RABGAP1L: variants seen among roughly 807,000 people sequenced by gnomAD.
The protein encoded by RABGAP1L is rab GTPase-activating protein 1-like.
A neutral mutation model predicts 137.7 loss-of-function variants in RABGAP1L; 63 were observed. The observed-to-expected ratio is 0.46, with a 90% CI of 0.37 to 0.56. The LOEUF is 0.56. Among genes scored for constraint, RABGAP1L ranks in the 20% least tolerant of loss-of-function variants. The probability of loss-of-function intolerance (pLI) is 0.00; values close to 1 mark genes in which losing one functional copy is unlikely to be tolerated. For synonymous variants in RABGAP1L, 431 were observed against 433.7 expected, an observed-to-expected ratio of 0.99 and a Z score of 0.08; for missense variants, 1,095 against 1,244.0, an observed-to-expected ratio of 0.88 and a Z score of 1.80.
chr1:174,190,404 T>A (rs1420641566), intron 1 of RABGAP1L, among the ~76,000 whole-genome samples: 1 of 152,202 alleles, frequency 6.6e-6, no homozygotes, highest in East Asian at 1.9e-4. Context: ...AGAAATCATT[T>A]TTTTTTATAA....
At chr1:174,359,001 C>T (rs1461182699) in intron 11 of RABGAP1L, among the ~76,000 whole-genome samples, 2 of 152,130 alleles carry the variant, frequency 1.3e-5, no homozygotes, top group Non-Finnish European at 1.5e-5. Flanking sequence ...TTTAACCCAG[C>T]CAGAAGAGGG....
At chr1:174,877,600 T>C (rs762745286) in intron 19 of RABGAP1L, 10 of 1,613,032 alleles carry the variant, frequency 6.2e-6, no homozygotes, top group Non-Finnish European at 8.5e-6. Flanking sequence ...CAAGCCCAGG[T>C]CTATGGTAGG....
Position 174,928,963 on chromosome 1 carries a change from C to T in RABGAP1L, c.2341-28494C>T, listed in dbSNP as rs191139674. ...CATGTTTTTCCACCATGAAACCCACCTTGTAAAGAAGATTGGCTGTTATGT... is the reference window on the plus strand; with the variant it reads ...CATGTTTTTCCACCATGAAACCCACTTTGTAAAGAAGATTGGCTGTTATGT... On this transcript the variant is annotated intron_variant, in intron 19 of 25. Transcript: ENST00000681986. Among the ~76,000 whole-genome samples, 7 of 151,744 alleles carry T rather than the reference C, an allele frequency of 4.6e-5. No individual in the cohort carries two copies. The East Asian group carries it at 9.7e-4, about 21-fold the overall frequency.
At chr1:174,680,794 T>C (rs1230829692) in intron 14 of RABGAP1L, among the ~76,000 whole-genome samples, 1 of 151,994 alleles carries the variant, frequency 6.6e-6, no homozygotes, top group Non-Finnish European at 1.5e-5. Context: ...CTCAGGAGGC[T>C]GAGGTGGGTC....
At chr1:174,541,583 T>A (rs948545592) in intron 13 of RABGAP1L, among the ~76,000 whole-genome samples, 1 of 152,164 alleles carries the variant, frequency 6.6e-6, no homozygotes, top group African/African-American at 2.4e-5. Context: ...GAGACCATCC[T>A]GGCTAACACA....
At chr1:174,261,610 G>T (rs74985566) in intron 7 of RABGAP1L, among the ~76,000 whole-genome samples, 1 of 152,284 alleles carries the variant, frequency 6.6e-6, no homozygotes, top group East Asian at 1.9e-4. Context: ...TTTTTAGTGT[G>T]AGTTGACATC....
At chr1:174,459,173 A>G (rs1439213076) in intron 13 of RABGAP1L, among the ~76,000 whole-genome samples, 2 of 152,162 alleles carry the variant, frequency 1.3e-5, no homozygotes, top group Non-Finnish European at 2.9e-5. Context: ...ATTTATATTT[A>G]CACAAAATTA....
chr1:174,605,198 A>T (rs1373059069), intron 13 of RABGAP1L, among the ~76,000 whole-genome samples: 1 of 152,156 alleles, frequency 6.6e-6, no homozygotes, highest in Non-Finnish European at 1.5e-5. Flanking sequence ...CTCCTGTAAA[A>T]CTGACCTTGT....
chr1:174,868,005 G>A (rs904346778), intron 19 of RABGAP1L, among the ~76,000 whole-genome samples: 5 of 151,280 alleles, frequency 3.3e-5, no homozygotes, highest in Non-Finnish European at 5.9e-5. Flanking sequence ...TTGCTCCGTC[G>A]CCCAGGGTGG....
At chr1:174,752,932 T>C (rs901137205) in intron 18 of RABGAP1L, among the ~76,000 whole-genome samples, 5 of 152,194 alleles carry the variant, frequency 3.3e-5, no homozygotes, top group African/African-American at 1.2e-4. Context: ...GCAGAGTTGA[T>C]GAAGATAACC....
intron 13 of RABGAP1L, among the ~76,000 whole-genome samples, chr1:174,606,017 T>G (rs2148189618): frequency 6.6e-6 from 1 of 152,342 alleles, no homozygotes; most frequent in African/African-American, 2.4e-5. Flanking sequence ...GGGGCTCTTT[T>G]CAAATTTATG....
chr1:174,813,153 C>T (rs941973339), intron 19 of RABGAP1L, among the ~76,000 whole-genome samples: 1 of 152,008 alleles, frequency 6.6e-6, no homozygotes, highest in African/African-American at 2.4e-5. Flanking sequence ...TAAAAACAAC[C>T]ATAGGAAGGT....
chr1:174,457,631 T>C (rs1211507291), intron 13 of RABGAP1L, among the ~76,000 whole-genome samples: 3 of 151,992 alleles, frequency 2.0e-5, no homozygotes, highest in African/African-American at 7.3e-5. Flanking sequence ...GCCTCCCAAG[T>C]AGCTGGGACT....
chr1:174,522,530 AAAG>A (rs1164250565), intron 13 of RABGAP1L, among the ~76,000 whole-genome samples: 1 of 152,128 alleles, frequency 6.6e-6, no homozygotes, highest in East Asian at 1.9e-4. Flanking sequence ...AGAAAAGAAA[AAAG>A]AAGAGGGGGA....
At chr1:174,598,939 G>T (rs1572455510) in intron 13 of RABGAP1L, among the ~76,000 whole-genome samples, 1 of 151,992 alleles carries the variant, frequency 6.6e-6, no homozygotes, top group Middle Eastern at 3.5e-3. Context: ...ACCTACTCCT[G>T]CTATTTTGCT....
At chr1:174,512,310 T>G (rs866343283) in intron 13 of RABGAP1L, among the ~76,000 whole-genome samples, 45 of 152,324 alleles carry the variant, frequency 3.0e-4, no homozygotes, top group African/African-American at 1.0e-3. Flanking sequence ...ACAGTAGCAG[T>G]GGTAGTATTG....
chr1:174,889,128 CT>C (rs34006510), intron 19 of RABGAP1L, among the ~76,000 whole-genome samples: 196 of 144,458 alleles, frequency 1.4e-3, no homozygotes, highest in Admixed American at 2.1e-3. Flanking sequence ...TTAATTTTAA[CT>C]TTTTTTTTTT....
intron 19 of RABGAP1L, among the ~76,000 whole-genome samples, chr1:174,878,270 A>G (rs1382027897): frequency 2.0e-5 from 3 of 152,182 alleles, no homozygotes; most frequent in Non-Finnish European, 2.9e-5. Flanking sequence ...CCTATTGCCC[A>G]GGTTGGAGTG....
chr1:174,338,229 A>G (rs909275856), intron 11 of RABGAP1L, among the ~76,000 whole-genome samples: 5 of 152,196 alleles, frequency 3.3e-5, no homozygotes, highest in Non-Finnish European at 7.4e-5. Context: ...CAAAATAGCA[A>G]TGTTAAATTT....
Sources: allele counts gnomAD v4.1 joint callset (sites outside exome capture counted in the v4.1 genomes callset), GRCh38; gene constraint gnomAD v4.1.1; transcripts MANE v1.5; gene names NCBI Gene and HGNC (gene_info 2026-07-23, HGNC 2026-07-21).